Variants in STPG4 observed in about 807,000 individuals in gnomAD.
The protein encoded by STPG4 is protein STPG4.
In STPG4, 41 loss-of-function variants were observed where a neutral mutation model predicts 31.5. That is an observed-to-expected ratio of 1.30 (90% CI 1.01 to 1.69). The LOEUF (loss-of-function observed/expected upper bound fraction) is 1.69. Ranked by LOEUF, STPG4 falls within the 40% of genes most tolerant of loss-of-function variation. The pLI is 0.00. For missense variants in STPG4, 375 were observed against 293.4 expected (o/e 1.28, Z -2.03); for synonymous variants, 141 against 103.0 (o/e 1.37, Z -2.24).
chr2:47,092,936 G>A (rs908709058), intron 5 of STPG4, among the ~76,000 whole-genome samples: 1 of 152,174 alleles, frequency 6.6e-6, no homozygotes, highest in Non-Finnish European at 1.5e-5. Flanking sequence ...AGGACTACAG[G>A]TGCGTGCCAC....
intron 5 of STPG4, among the ~76,000 whole-genome samples, chr2:47,090,932 C>T (rs1384847791): frequency 6.6e-6 from 1 of 152,086 alleles, no homozygotes; most frequent in Non-Finnish European, 1.5e-5. Flanking sequence ...TAGCAACAGG[C>T]CATTCATGAA....
intron 6 of STPG4, 41 bp downstream of exon 6, chr2:47,090,229 C>G: frequency 7.2e-7 from 1 of 1,395,622 alleles, no homozygotes; most frequent in Non-Finnish European, 9.9e-7. Flanking sequence ...CATAACCATA[C>G]CCCTAGGGGT....
chr2:47,088,302 A>G (rs1685500219), intron 6 of STPG4, among the ~76,000 whole-genome samples: 1 of 152,186 alleles, frequency 6.6e-6, no homozygotes, highest in African/African-American at 2.4e-5. Flanking sequence ...ATACAAATAA[A>G]TGCCATTTTC....
chr2:47,134,183 G>T (rs1199180048), intron 3 of STPG4, among the ~76,000 whole-genome samples: 1 of 152,050 alleles, frequency 6.6e-6, no homozygotes, highest in East Asian at 1.9e-4. Context: ...CACTAAAAAG[G>T]TACAGACGAA....
Position 47,155,260 on chromosome 2 carries a change from C to CCT in STPG4, c.-11_-10dup. The CCT allele has an allele frequency of 6.2e-7, 1 of 1,613,962 alleles. No homozygotes were observed. Among genetic ancestry groups the CCT allele is most frequent in the African/African-American group, 1.3e-5 (1 of 75,032 alleles). Reference sequence around the variant, plus strand: ...ACGGCTGGCTGGTCCATGGTGGCCTCCTCTCTCTCTAGGCTGAACCTGAGC... The same window carrying CCT: ...ACGGCTGGCTGGTCCATGGTGGCCTCCTCTCTCTCTCTAGGCTGAACCTGAGC... On this transcript the variant is annotated 5_prime_UTR_variant, in exon 1 of 7. Coordinates refer to ENST00000445927, the MANE Select transcript of STPG4 (RefSeq NM_001163561.2).
intron 5 of STPG4, among the ~76,000 whole-genome samples, chr2:47,119,488 TCAG>T (rs1385568899): frequency 6.6e-6 from 1 of 152,230 alleles, no homozygotes; most frequent in Non-Finnish European, 1.5e-5. Flanking sequence ...GAATTATTTT[TCAG>T]TTGTTCTGTA....
intron 5 of STPG4, chr2:47,129,490 A>C: frequency 6.2e-6 from 1 of 160,762 alleles, no homozygotes; most frequent in African/African-American, 2.4e-5. Context: ...CTGGCTGGCT[A>C]GTGCTGGTCT....
chr2:47,090,206 G>T (rs1330477646), intron 6 of STPG4, 64 bp downstream of exon 6: 2 of 1,177,902 alleles, frequency 1.7e-6, no homozygotes, highest in East Asian at 2.6e-5. Context: ...CATAGAAACA[G>T]AAAACCTACC....
chr2:47,118,084 G>C (rs1424379129), intron 5 of STPG4, among the ~76,000 whole-genome samples: 2 of 152,086 alleles, frequency 1.3e-5, no homozygotes, highest in Non-Finnish European at 2.9e-5. Context: ...TTGACTACTT[G>C]GCTTTAGGTT....
intron 6 of STPG4, among the ~76,000 whole-genome samples, chr2:47,088,183 G>A (rs1323637222): frequency 3.3e-5 from 5 of 152,154 alleles, no homozygotes; most frequent in East Asian, 3.9e-4. Context: ...GGGCTTAAGC[G>A]ATTCTCATGC....
intron 5 of STPG4, among the ~76,000 whole-genome samples, chr2:47,118,873 T>C (rs1041929999): frequency 1.3e-5 from 2 of 152,228 alleles, no homozygotes; most frequent in Non-Finnish European, 2.9e-5. Context: ...CCCTACTACA[T>C]GCTGTAGTTG....
chr2:47,099,366 G>A (rs1272526309), intron 5 of STPG4, among the ~76,000 whole-genome samples: 1 of 152,236 alleles, frequency 6.6e-6, no homozygotes, highest in Non-Finnish European at 1.5e-5. Flanking sequence ...CCCCAGGTGT[G>A]AGAGCTGCCC....
chr2:47,133,423 T>C (rs1364953802), intron 3 of STPG4, among the ~76,000 whole-genome samples: 1 of 152,016 alleles, frequency 6.6e-6, no homozygotes, highest in Non-Finnish European at 1.5e-5. Flanking sequence ...CACCACAGCT[T>C]CCCTAAGTGC....
chr2:47,143,077 C>T (rs1193232914), intron 3 of STPG4, among the ~76,000 whole-genome samples: 4 of 152,108 alleles, frequency 2.6e-5, no homozygotes, highest in East Asian at 3.9e-4. Flanking sequence ...CTGCCTGCCT[C>T]GGCCTCCCAA....
rs192698887 is a variant in STPG4 at position 47,125,193 on chromosome 2, G to A, written c.519+4748C>T. On this transcript the variant is annotated intron_variant, in intron 5 of 6. Transcript: ENST00000445927. The stretch of plus-strand genomic sequence containing the variant: ...TCCAGCACTTTGGGAGGCCAAGGTG[G>A]GCAGATCGCTTGAGCTCAGGAGTTC... 1.6e-4 allele frequency among the ~76,000 whole-genome samples: 25 copies of A among 152,182 alleles called. No homozygotes were observed. In the East Asian group the frequency reaches 4.4e-3, roughly 27 times the overall value.
At chr2:47,092,935 G>A (rs950602210) in intron 5 of STPG4, among the ~76,000 whole-genome samples, 2 of 152,128 alleles carry the variant, frequency 1.3e-5, no homozygotes, top group African/African-American at 4.8e-5. Context: ...TAGGACTACA[G>A]GTGCGTGCCA....
intron 5 of STPG4, among the ~76,000 whole-genome samples, chr2:47,100,725 G>A (rs1334551926): frequency 6.6e-6 from 1 of 151,562 alleles, no homozygotes; most frequent in Admixed American, 6.6e-5. Context: ...GCGAGACCAT[G>A]AGCCCACTGG....
At chr2:47,125,231 G>A (rs780120590) in intron 5 of STPG4, among the ~76,000 whole-genome samples, 16 of 152,074 alleles carry the variant, frequency 1.1e-4, no homozygotes, top group Admixed American at 8.5e-4. Context: ...GACCAGCCTG[G>A]GCAACATGGC....
At chr2:47,108,156 T>C (rs1396084530) in intron 5 of STPG4, among the ~76,000 whole-genome samples, 1 of 151,402 alleles carries the variant, frequency 6.6e-6, no homozygotes. Context: ...AGCTCAGGGA[T>C]TGTAAACACA....
Sources: gnomAD v4.1 joint callset for allele counts (sites outside exome capture counted in the v4.1 genomes callset) on GRCh38, gnomAD v4.1.1 for gene constraint, MANE v1.5 for transcripts, NCBI Gene and HGNC (gene_info 2026-07-23, HGNC 2026-07-21) for gene names.